PRKAG2: variants seen among roughly 807,000 people sequenced by gnomAD.
PRKAG2 encodes the protein 5'-AMP-activated protein kinase subunit gamma-2.
PRKAG2 carries 26 observed loss-of-function variants against 69.6 expected under a neutral mutation model. The observed-to-expected ratio is 0.37, with a 90% CI of 0.27 to 0.52. The LOEUF is 0.52. PRKAG2 is among the 20% of genes least tolerant of loss of function. PRKAG2 has a pLI of 0.90. For synonymous variants in PRKAG2, 293 were observed against 285.0 expected (o/e 1.03, Z -0.28); for missense variants, 557 against 740.0 (o/e 0.75, Z 2.87).
chr7:151,720,798 AG>A (rs1335979809), intron 3 of PRKAG2, among the ~76,000 whole-genome samples: 1 of 86,072 alleles, frequency 1.2e-5, no homozygotes, highest in Non-Finnish European at 2.3e-5. Context: ...GATTGAGGGG[AG>A]AGAGGGCAAT....
intron 3 of PRKAG2, among the ~76,000 whole-genome samples, chr7:151,726,646 C>T (rs764902260): frequency 1.1e-4 from 16 of 152,032 alleles, no homozygotes; most frequent in Admixed American, 9.2e-4. Flanking sequence ...TGAACTTCAA[C>T]GCCGCACGCA....
chr7:151,623,163 G>A (rs1046478502), intron 5 of PRKAG2, among the ~76,000 whole-genome samples: 3 of 151,916 alleles, frequency 2.0e-5, no homozygotes, highest in African/African-American at 7.3e-5. Context: ...TCAGGAGTTT[G>A]AGACCAGCCT....
chr7:151,557,557 C>T lies in PRKAG2; in HGVS notation c.1679-325G>A, dbSNP rs116903025. The T allele has an allele frequency of 1.7e-4, 172 of 985,260 alleles. No individual in the cohort carries two copies. The East Asian group carries it at 0.018, about 102-fold the overall frequency. 61.0% of individuals were successfully genotyped at this position (985,260 alleles called of 1,614,324 possible). A position where few individuals can be genotyped will look rare whatever the true frequency, so the allele number is the denominator to read the frequency against. On this transcript the variant is annotated intron_variant, in intron 15 of 15. Coordinates refer to ENST00000287878, the MANE Select transcript of PRKAG2 (RefSeq NM_016203.4). ...AGGTGTGAAGTATTTCAGTTGTGCACTCTTACAAATATGTATTAAAAAAAG... is the reference window on the plus strand; with the variant it reads ...AGGTGTGAAGTATTTCAGTTGTGCATTCTTACAAATATGTATTAAAAAAAG...
In PRKAG2 at chr7:151,632,120, G is replaced by A. The variant is rs1476121151; in HGVS notation, c.703C>T (p.Leu235=). The A allele has an allele frequency of 4.3e-6, 6 of 1,409,900 alleles. No individual in the cohort carries two copies. The highest frequency in any genetic ancestry group is 5.6e-6 in the Non-Finnish European group (6 of 1,068,234). 87.3% of individuals were successfully genotyped at this position (1,409,900 alleles called of 1,614,324 possible). A position where few individuals can be genotyped will look rare whatever the true frequency, so the allele number is the denominator to read the frequency against. Residue 235 remains leucine (L), a synonymous_variant, in exon 5 of 16, where the codon CTG becomes TTG. Coordinates refer to ENST00000287878, the MANE Select transcript of PRKAG2 (RefSeq NM_016203.4). The surrounding 1 kb of genome is among the most constrained non-coding windows in gnomAD (Gnocchi z 4.2). ...AGCATGCCGGCTTCCGCGGGTCCCA[G>A]GGCCGCCGCCAGCGCCGCCTGAGGG... The part of the protein sequence containing the change: ...PSKAAALAAA[L]GPAEAGMLEK...
intron 1 of PRKAG2, among the ~76,000 whole-genome samples, chr7:151,872,860 C>T (rs1004794006): frequency 1.3e-5 from 2 of 152,196 alleles, no homozygotes; most frequent in African/African-American, 2.4e-5. Flanking sequence ...CTATCCACAG[C>T]GTCCACCGCA....
At chr7:151,821,753 T>C (rs2078788269) in intron 1 of PRKAG2, among the ~76,000 whole-genome samples, 1 of 152,164 alleles carries the variant, frequency 6.6e-6, no homozygotes, top group Admixed American at 6.5e-5. Flanking sequence ...TTTCTACAGG[T>C]TCAAATTCCA....
intron 3 of PRKAG2, chr7:151,736,441 C>T (rs1325942159): frequency 1.7e-5 from 16 of 943,044 alleles, no homozygotes; most frequent in Non-Finnish European, 2.0e-5. Context: ...ACCAGATAGG[C>T]AAAGGAGGCA....
At chr7:151,865,066 G>A (rs932143630) in intron 1 of PRKAG2, among the ~76,000 whole-genome samples, 11 of 152,214 alleles carry the variant, frequency 7.2e-5, no homozygotes, top group African/African-American at 1.7e-4. Flanking sequence ...GACTGGTTCC[G>A]CTCAAATCCT....
At position 151,798,049 on chromosome 7, in the gene PRKAG2, G is replaced by A. The variant is rs186396634; in HGVS notation, c.115-11508C>T. Among the ~76,000 whole-genome samples, 611 of 152,332 alleles carry A rather than the reference G, an allele frequency of 4.0e-3. 6 individuals are homozygous for A. Among genetic ancestry groups the A allele is most frequent in the African/African-American group, 0.014 (588 of 41,572 alleles). On this transcript the variant is annotated intron_variant, in intron 1 of 15. Coordinates refer to ENST00000287878, the MANE Select transcript of PRKAG2 (RefSeq NM_016203.4). ...AGACAGAGTCTTGCTCTGTCATCCA[G>A]GCTGGAATGCAATGGCACAATCTCG... is the stretch of plus-strand genomic sequence containing the variant.
chr7:151,869,087 G>A (rs77990686), intron 1 of PRKAG2, among the ~76,000 whole-genome samples: 5 of 18,580 alleles, frequency 2.7e-4, no homozygotes, highest in Admixed American at 1.0e-3. Flanking sequence ...AGGTTTTATT[G>A]GGGGGGGCAG....
At chr7:151,796,140 C>A (rs972584251) in intron 1 of PRKAG2, among the ~76,000 whole-genome samples, 1 of 151,998 alleles carries the variant, frequency 6.6e-6, no homozygotes, top group African/African-American at 2.4e-5. Context: ...GGCCCCCTCA[C>A]CCGAGCTGGT....
At chr7:151,656,096 T>G (rs1406655548) in intron 4 of PRKAG2, among the ~76,000 whole-genome samples, 1 of 152,200 alleles carries the variant, frequency 6.6e-6, no homozygotes, top group Non-Finnish European at 1.5e-5. Context: ...AGCACTATAT[T>G]GTGCTTTATT....
chr7:151,747,831 C>T (rs2074389518), intron 3 of PRKAG2, among the ~76,000 whole-genome samples: 1 of 152,048 alleles, frequency 6.6e-6, no homozygotes, highest in Non-Finnish European at 1.5e-5. Flanking sequence ...GGACATCACT[C>T]ACCTCAAATT....
intron 3 of PRKAG2, among the ~76,000 whole-genome samples, chr7:151,773,185 GGAAA>G (rs1380779634): frequency 1.7e-5 from 2 of 118,276 alleles, no homozygotes; most frequent in Admixed American, 9.5e-5. Flanking sequence ...AAGGAAGGAA[GGAAA>G]GAAAGAAGGA....
chr7:151,795,586 G>A (rs1485862569), intron 1 of PRKAG2, among the ~76,000 whole-genome samples: 1 of 152,126 alleles, frequency 6.6e-6, no homozygotes, highest in Non-Finnish European at 1.5e-5. Context: ...TACCAAGCAG[G>A]TGGCTGCCGT....
chr7:151,822,086 G>A (rs1025608028), intron 1 of PRKAG2, among the ~76,000 whole-genome samples: 4 of 152,184 alleles, frequency 2.6e-5, no homozygotes, highest in African/African-American at 4.8e-5. Flanking sequence ...CATGACAACT[G>A]CCACTGGGGA....
At chr7:151,831,414 G>A (rs1266279450) in intron 1 of PRKAG2, among the ~76,000 whole-genome samples, 1 of 152,202 alleles carries the variant, frequency 6.6e-6, no homozygotes, top group Non-Finnish European at 1.5e-5. Context: ...AGGAAGGACT[G>A]ACGCATGGTA....
chr7:151,844,059 A>G (rs2079373075), intron 1 of PRKAG2, among the ~76,000 whole-genome samples: 1 of 152,192 alleles, frequency 6.6e-6, no homozygotes, highest in Non-Finnish European at 1.5e-5. Context: ...GAGGAGATAG[A>G]AGGAGATGGA....
chr7:151,795,735 T>C (rs1436022685), intron 1 of PRKAG2, among the ~76,000 whole-genome samples: 4 of 151,634 alleles, frequency 2.6e-5, no homozygotes, highest in Admixed American at 6.6e-5. Context: ...AAGGGGAAAT[T>C]CTGCTTCATG....
Sources: gnomAD v4.1 joint callset for allele counts (sites outside exome capture counted in the v4.1 genomes callset) on GRCh38, gnomAD v4.1.1 for gene constraint, Gnocchi (gnomAD v3.1) non-coding constraint, MANE v1.5 for transcripts, NCBI Gene and HGNC (gene_info 2026-07-23, HGNC 2026-07-21) for gene names.